Variants in NFKB1 observed in about 807,000 individuals in gnomAD.
The protein encoded by NFKB1 is nuclear factor kappa B subunit 1.
A neutral mutation model predicts 105.1 loss-of-function variants in NFKB1; 9 were observed. That is an observed-to-expected ratio of 0.09 (90% CI 0.05 to 0.15). The LOEUF (loss-of-function observed/expected upper bound fraction) is 0.15, where lower values mean the gene tolerates loss of function less well. Ranked by LOEUF, NFKB1 falls within the 10% of genes least tolerant of loss-of-function variation. The pLI is 1.00. For synonymous variants in NFKB1, 440 were observed against 442.2 expected, an observed-to-expected ratio of 1.00 and a Z score of 0.06; for missense variants, 830 against 1,203.7, an observed-to-expected ratio of 0.69 and a Z score of 4.59.
At chr4:102,535,740 G>A (rs193279239) in intron 4 of NFKB1, among the ~76,000 whole-genome samples, 17 of 152,130 alleles carry the variant, frequency 1.1e-4, no homozygotes, top group African/African-American at 3.6e-4. Flanking sequence ...TTAGATACTC[G>A]TATGTAACCA....
intron 5 of NFKB1, among the ~76,000 whole-genome samples, chr4:102,547,253 G>C (rs936097260): frequency 6.6e-6 from 1 of 152,126 alleles, no homozygotes; most frequent in African/African-American, 2.4e-5. Flanking sequence ...TTAAATGTGC[G>C]ACACTGAAAA....
chr4:102,578,777 T>C, intron 7 of NFKB1, 104 bp from the exon 8 acceptor site: 1 of 1,196,978 alleles, frequency 8.4e-7, no homozygotes, highest in African/African-American at 1.5e-5. Flanking sequence ...AGAGGAAAAA[T>C]GGGTTTTTAT....
chr4:102,505,761 A>G (rs1280083354), intron 1 of NFKB1, among the ~76,000 whole-genome samples: 1 of 152,204 alleles, frequency 6.6e-6, no homozygotes, highest in Non-Finnish European at 1.5e-5. Context: ...CTAAAAATAA[A>G]TAATATCTAA....
At chr4:102,557,547 A>G (rs765821574) in intron 5 of NFKB1, among the ~76,000 whole-genome samples, 3 of 152,162 alleles carry the variant, frequency 2.0e-5, no homozygotes, top group African/African-American at 7.2e-5. Context: ...GTTCCTATCC[A>G]TCACCACAGT....
At chr4:102,597,441 T>C (rs1472555411) in intron 14 of NFKB1, 79 bp from the exon 15 acceptor site, 1 of 1,396,440 alleles carries the variant, frequency 7.2e-7, no homozygotes, top group Non-Finnish European at 9.7e-7. Flanking sequence ...CTGATGCTGG[T>C]CAGTTTGTCC....
At chr4:102,537,642 T>C (rs1212195574) in intron 4 of NFKB1, 2 of 387,396 alleles carry the variant, frequency 5.2e-6, no homozygotes, top group Non-Finnish European at 9.5e-6. Context: ...CCTGGCTTTT[T>C]AGCCATATCT....
rs753960003 is a variant in NFKB1, at chr4:102,597,531, C to G, written c.1507C>G (p.Leu503Val). Residue 503 changes from leucine (L) to valine (V), a missense_variant, in exon 15 of 24, where the codon CTA (leucine) becomes GTA (valine). By Grantham distance (32) the Leu-to-Val change is conservative. Coordinates refer to ENST00000226574, the MANE Select transcript of NFKB1 (RefSeq NM_003998.4). ...TCATTGCCTTACAGATAACCTCTTT[C>G]TAGAGAAGGCTATGCAGCTTGCAAA... The part of the protein sequence containing the change: ...ESAGVQDNLF[L>V]EKAMQLAKRH... The G allele has an allele frequency of 3.7e-6, 6 of 1,611,430 alleles. No individual in the cohort carries two copies. The Middle Eastern group carries it at 6.6e-4, about 177-fold the overall frequency.
intron 18 of NFKB1, 55 bp from the exon 19 acceptor site, chr4:102,607,594 A>T: frequency 6.4e-7 from 1 of 1,561,130 alleles, no homozygotes; most frequent in Non-Finnish European, 8.8e-7. Flanking sequence ...GGAGGTGGGG[A>T]CAAAAGGGCA....
intron 1 of NFKB1, among the ~76,000 whole-genome samples, chr4:102,508,568 A>G (rs866525791): frequency 5.3e-5 from 8 of 152,302 alleles, no homozygotes; most frequent in Admixed American, 1.3e-4. Flanking sequence ...CAAACCAAGC[A>G]AAAAACCTGG....
chr4:102,522,886 G>A (rs1020867925), intron 1 of NFKB1, among the ~76,000 whole-genome samples: 2 of 152,130 alleles, frequency 1.3e-5, no homozygotes, highest in Non-Finnish European at 2.9e-5. Flanking sequence ...GTATTTAAGT[G>A]TAATGTTTTT....
chr4:102,561,130 T>C (rs1375257801), intron 5 of NFKB1, among the ~76,000 whole-genome samples: 1 of 152,226 alleles, frequency 6.6e-6, no homozygotes, highest in African/African-American at 2.4e-5. Flanking sequence ...CTGTACTATC[T>C]TATTTGGTAA....
In NFKB1 at chr4:102,575,131, C is replaced by A. The variant is rs571996733; in HGVS notation, c.408-1745C>A. On this transcript the variant is annotated intron_variant, in intron 6 of 23. Transcript: ENST00000226574. ...TTTTTCTGTGCTGTATTAATTCATG[C>A]ATTCCTTTATCAACAGATACTTATT... 2.0e-5 allele frequency among the ~76,000 whole-genome samples: 3 copies of A among 152,274 alleles called. No individual in the cohort carries two copies. In the East Asian group the frequency reaches 5.8e-4, roughly 29 times the overall value.
intron 1 of NFKB1, among the ~76,000 whole-genome samples, chr4:102,521,873 T>C (rs1466757854): frequency 6.6e-6 from 1 of 152,218 alleles, no homozygotes; most frequent in Non-Finnish European, 1.5e-5. Flanking sequence ...GTTTTTCATG[T>C]GAAAAAACAC....
intron 1 of NFKB1, among the ~76,000 whole-genome samples, chr4:102,502,544 C>G (rs1016100724): frequency 1.3e-5 from 2 of 152,134 alleles, no homozygotes; most frequent in African/African-American, 4.8e-5. Flanking sequence ...TTATGTAAAA[C>G]TCTTGGACAG....
intron 3 of NFKB1, among the ~76,000 whole-genome samples, chr4:102,531,901 A>C (rs1741315351): frequency 6.6e-6 from 1 of 152,196 alleles, no homozygotes; most frequent in African/African-American, 2.4e-5. Context: ...TTTTCATGAC[A>C]TCCAAATATT....
chr4:102,526,793 T>G (rs1360766181), intron 2 of NFKB1, among the ~76,000 whole-genome samples: 4 of 152,192 alleles, frequency 2.6e-5, no homozygotes, highest in Admixed American at 2.6e-4. Flanking sequence ...AGCAGTGTCC[T>G]TTTTTCTTTT....
chr4:102,558,746 G>T (rs1723177797), intron 5 of NFKB1, among the ~76,000 whole-genome samples: 1 of 152,040 alleles, frequency 6.6e-6, no homozygotes, highest in Admixed American at 6.6e-5. Flanking sequence ...GAACTTCTGG[G>T]CTCAAAGGAC....
intron 5 of NFKB1, among the ~76,000 whole-genome samples, chr4:102,562,547 G>A (rs1027139544): frequency 2.0e-5 from 3 of 152,196 alleles, no homozygotes; most frequent in African/African-American, 7.2e-5. Context: ...AGGTGGGAGA[G>A]AGGATTTATA....
chr4:102,615,778 T>C (rs975149234), intron 23 of NFKB1, among the ~76,000 whole-genome samples: 1 of 152,202 alleles, frequency 6.6e-6, no homozygotes, highest in Non-Finnish European at 1.5e-5. Context: ...TATTCTAATA[T>C]TGGAATTTGG....
Sources: allele counts gnomAD v4.1 joint callset (sites outside exome capture counted in the v4.1 genomes callset), GRCh38; gene constraint gnomAD v4.1.1; transcripts MANE v1.5; gene names NCBI Gene and HGNC (gene_info 2026-07-23, HGNC 2026-07-21).